Variants in WDR48 observed in about 807,000 individuals in gnomAD.
WDR48 encodes the protein WD repeat-containing protein 48.
A neutral mutation model predicts 94.0 loss-of-function variants in WDR48; 22 were observed. That is an observed-to-expected ratio of 0.23 (90% CI 0.17 to 0.33). WDR48 has a LOEUF of 0.33. Among genes scored for constraint, WDR48 ranks in the 10% least tolerant of loss-of-function variants. WDR48 has a pLI of 1.00. For missense variants in WDR48, 541 were observed against 813.8 expected, an observed-to-expected ratio of 0.66 and a Z score of 4.08; for synonymous variants, 278 against 280.5, an observed-to-expected ratio of 0.99 and a Z score of 0.09.
chr3:39,086,440 A>G (rs1392045546), intron 14 of WDR48: 1 of 152,240 alleles, frequency 6.6e-6, no homozygotes, highest in Admixed American at 6.5e-5. Flanking sequence ...CCATAATGAT[A>G]TGTGGAATTT....
intron 18 of WDR48, 50 bp from the exon 19 acceptor site, chr3:39,094,598 T>G: frequency 6.2e-7 from 1 of 1,610,030 alleles, no homozygotes. Flanking sequence ...ATGATAAGGT[T>G]TTAGATATTA....
At chr3:39,077,723 A>C (rs2034301660) in intron 9 of WDR48, among the ~76,000 whole-genome samples, 1 of 152,270 alleles carries the variant, frequency 6.6e-6, no homozygotes, top group South Asian at 2.1e-4. Context: ...TAATTTAAAA[A>C]GACTTAAGTT....
chr3:39,069,825 T>G, intron 7 of WDR48, 81 bp downstream of exon 7: 1 of 1,129,816 alleles, frequency 8.9e-7, no homozygotes, highest in Non-Finnish European at 1.2e-6. Context: ...TAGGTTGATT[T>G]GAACCGAAAG....
In WDR48 at chr3:39,089,880, T is replaced by A. The variant is rs570820336; in HGVS notation, c.1668+562T>A. On this transcript the variant is annotated intron_variant, in intron 16 of 18. Coordinates refer to ENST00000302313, the MANE Select transcript of WDR48 (RefSeq NM_020839.4). ...AAGATTCTACTGTATAAATGTACCATAATTTATTTAATCAGTCCCCTATTA... is the reference window on the plus strand; with the variant it reads ...AAGATTCTACTGTATAAATGTACCAAAATTTATTTAATCAGTCCCCTATTA... The A allele has an allele frequency of 2.0e-5, 3 of 152,370 alleles. No homozygotes were observed. In the South Asian group the frequency reaches 6.2e-4, roughly 32 times the overall value. 9.4% of individuals were successfully genotyped at this position (152,370 alleles called of 1,614,324 possible). A position where few individuals can be genotyped will look rare whatever the true frequency, so the allele number is the denominator to read the frequency against.
At chr3:39,063,460 C>G (rs922177750) in intron 2 of WDR48, among the ~76,000 whole-genome samples, 2 of 152,118 alleles carry the variant, frequency 1.3e-5, no homozygotes, top group African/African-American at 4.8e-5. Flanking sequence ...AGTGATTTGG[C>G]TAGTAGGGGG....
chr3:39,085,055 G>A lies in WDR48; in HGVS notation c.1378+314G>A, dbSNP rs181218372. Among the ~76,000 whole-genome samples the A allele has an allele frequency of 4.8e-3, 737 of 152,126 alleles. 6 individuals are homozygous for A. The highest frequency in any genetic ancestry group is 0.017 in the African/African-American group (694 of 41,506). ...ATCCTGGCTAACACGGTGAAACCCC[G>A]TCTCTACTAAAAATACAAAAAATTA... On this transcript the variant is annotated intron_variant, in intron 13 of 18. Transcript: ENST00000302313.
intron 7 of WDR48, among the ~76,000 whole-genome samples, chr3:39,069,998 G>A (rs2033838982): frequency 6.6e-6 from 1 of 152,098 alleles, no homozygotes; most frequent in South Asian, 2.1e-4. Context: ...GGTGCATAGG[G>A]GCTAAAATAA....
chr3:39,066,994 T>TTC, intron 5 of WDR48, 119 bp downstream of exon 5: 1 of 1,234,142 alleles, frequency 8.1e-7, no homozygotes, highest in Non-Finnish European at 1.1e-6. Context: ...TTGAGAGTGC[T>TTC]TCTACCTACA....
At chr3:39,086,676 T>C (rs1257793684) in intron 14 of WDR48, among the ~76,000 whole-genome samples, 1 of 152,242 alleles carries the variant, frequency 6.6e-6, no homozygotes, top group East Asian at 1.9e-4. Flanking sequence ...GCTCTGCTGC[T>C]TAACAGCTAT....
At chr3:39,091,551 G>A in intron 16 of WDR48, 74 bp from the exon 17 acceptor site, 1 of 1,125,696 alleles carries the variant, frequency 8.9e-7, no homozygotes, top group East Asian at 2.7e-5. Flanking sequence ...TGCAAGTCAT[G>A]TTTTCCTATT....
At chr3:39,093,644 T>C (rs1253057004) in intron 17 of WDR48, among the ~76,000 whole-genome samples, 1 of 152,214 alleles carries the variant, frequency 6.6e-6, no homozygotes, top group Non-Finnish European at 1.5e-5. Flanking sequence ...CCTGTATATG[T>C]CAAGTTTTAA....
Position 39,093,860 on chromosome 3 carries a change from T to C in WDR48, c.1746-14T>C. 6.5e-7 allele frequency: 1 copy of C among 1,530,356 alleles called. No homozygotes were observed. Among genetic ancestry groups the C allele is most frequent in the Non-Finnish European group, 8.8e-7 (1 of 1,140,860 alleles). 94.8% of individuals were successfully genotyped at this position (1,530,356 alleles called of 1,614,324 possible). On this transcript the variant is annotated splice_polypyrimidine_tract_variant and intron_variant, in intron 17 of 18. Coordinates refer to ENST00000302313, the MANE Select transcript of WDR48 (RefSeq NM_020839.4). ...ATTTCCCTGATGTCACAATATGCCA[T>C]TGCTTTTTTACAGAGATAGACTCTC...
At position 39,093,973 on chromosome 3, in the gene WDR48, C is replaced by G. The variant is rs772315071; in HGVS notation, c.1845C>G (p.Ser615Arg). The G allele has an allele frequency of 3.7e-6, 6 of 1,614,046 alleles. No homozygotes were observed. The highest frequency in any genetic ancestry group is 5.1e-6 in the Non-Finnish European group (6 of 1,180,000). Residue 615 changes from serine (S) to arginine (R), a missense_variant, in exon 18 of 19, where the codon AGC (serine) becomes AGG (arginine). Physicochemically the swap from Ser to Arg is moderately radical, Grantham distance 110 (BLOSUM62 -1). Around this residue, in one of 5 missense-constraint regions of WDR48, gnomAD observed 109 missense variants for 195.5 expected, o/e 0.56. Coordinates refer to ENST00000302313, the MANE Select transcript of WDR48 (RefSeq NM_020839.4). ...TGGATAATGAGTCTCAAACCACTAG[C>G]TCTTCTAATAATGAAAAACCAGGAG... The part of the protein sequence containing the change: ...INLDNESQTT[S>R]SSNNEKPGEQ...
At chr3:39,089,428 G>A in intron 16 of WDR48, 110 bp downstream of exon 16, 2 of 941,622 alleles carry the variant, frequency 2.1e-6, no homozygotes, top group Non-Finnish European at 3.1e-6. Flanking sequence ...AGACTCCCAA[G>A]TGGAATCCCC....
intron 1 of WDR48, among the ~76,000 whole-genome samples, chr3:39,061,773 C>T (rs1241013319): frequency 6.6e-6 from 1 of 152,136 alleles, no homozygotes; most frequent in Admixed American, 6.5e-5. Context: ...TGTTTCCTGA[C>T]TTTTTAATGA....
At chr3:39,081,542 G>C (rs2034536313) in intron 11 of WDR48, among the ~76,000 whole-genome samples, 1 of 152,132 alleles carries the variant, frequency 6.6e-6, no homozygotes, top group Non-Finnish European at 1.5e-5. Context: ...TTTCAGAGAG[G>C]GTTCTCTTGG....
In WDR48 at chr3:39,096,062, T is replaced by A. The variant is rs2035315676; in HGVS notation, c.*1319T>A. ...AGGGAGGGAGGCAGGGAACGTTTTTTCTTTTCTACATCTTCACAGGTTCGG... is the reference window on the plus strand; with the variant it reads ...AGGGAGGGAGGCAGGGAACGTTTTTACTTTTCTACATCTTCACAGGTTCGG... On this transcript the variant is annotated 3_prime_UTR_variant, in exon 19 of 19. Coordinates refer to ENST00000302313, the MANE Select transcript of WDR48 (RefSeq NM_020839.4). 1.3e-5 allele frequency: 2 copies of A among 152,636 alleles called. No homozygotes were observed. Among genetic ancestry groups the A allele is most frequent in the African/African-American group, 4.8e-5 (2 of 41,442 alleles). 9.5% of individuals were successfully genotyped at this position (152,636 alleles called of 1,614,324 possible).
Position 39,096,040 on chromosome 3 carries a change from G to A in WDR48, c.*1297G>A, listed in dbSNP as rs1457282941. The A allele has an allele frequency of 6.5e-6, 1 of 152,680 alleles. No homozygotes were observed. Among genetic ancestry groups the A allele is most frequent in the Non-Finnish European group, 1.5e-5 (1 of 68,052 alleles). The allele number at this position is 152,680 out of a possible 1,614,324, so 9.5% of individuals were successfully genotyped here. ...TGCCTCCACCATAGCAGGGACTAGG[G>A]AGGGAGGCAGGGAACGTTTTTTCTT... On this transcript the variant is annotated 3_prime_UTR_variant, in exon 19 of 19. Coordinates refer to ENST00000302313, the MANE Select transcript of WDR48 (RefSeq NM_020839.4).
chr3:39,073,909 G>A (rs888312766), intron 7 of WDR48, among the ~76,000 whole-genome samples: 1 of 152,206 alleles, frequency 6.6e-6, no homozygotes, highest in African/African-American at 2.4e-5. Context: ...AGACAGAGGT[G>A]TAACCCAGGA....
Sources: gnomAD v4.1 joint callset for allele counts (sites outside exome capture counted in the v4.1 genomes callset) on GRCh38, gnomAD v4.1.1 for gene constraint, gnomAD v4.1.1 regional missense constraint, MANE v1.5 for transcripts, NCBI Gene and HGNC (gene_info 2026-07-23, HGNC 2026-07-21) for gene names.